The following IQCM variants were observed in gnomAD, a reference collection of about 807,000 sequenced individuals.
IQCM encodes IQ motif containing M.
Under a neutral mutation model 57.6 loss-of-function variants are expected in IQCM, and 45 were observed. The observed-to-expected ratio is 0.78, with a 90% confidence interval of 0.62 to 1.00. The LOEUF (loss-of-function observed/expected upper bound fraction) is 1.00, where lower values mean the gene tolerates loss of function less well. IQCM is among the 50% of genes least tolerant of loss of function. The pLI, the probability that IQCM is intolerant of heterozygous loss-of-function variation, is 0.00. For missense variants in IQCM, 468 were observed against 511.6 expected (o/e 0.91, Z 0.82); for synonymous variants, 148 against 158.9 (o/e 0.93, Z 0.51).
chr4:149,514,206 G>T (rs1324848641), intron 12 of IQCM, among the ~76,000 whole-genome samples: 1 of 152,122 alleles, frequency 6.6e-6, no homozygotes, highest in East Asian at 1.9e-4. Flanking sequence ...ACTTGCTAGG[G>T]TTAGAGTCAG....
chr4:149,432,980 G>T (rs146797041), intron 13 of IQCM, among the ~76,000 whole-genome samples: 2 of 152,012 alleles, frequency 1.3e-5, no homozygotes, highest in Non-Finnish European at 2.9e-5. Flanking sequence ...ACCAACTGTT[G>T]ATAGAGCTGT....
intron 2 of IQCM, among the ~76,000 whole-genome samples, chr4:149,775,675 A>G (rs1328077097): frequency 3.3e-5 from 5 of 151,950 alleles, no homozygotes; most frequent in Non-Finnish European, 7.4e-5. Context: ...TTGCTTGCCC[A>G]AACTGAAAAA....
At chr4:149,389,356 T>C (rs1057123711) in intron 13 of IQCM, among the ~76,000 whole-genome samples, 3 of 152,026 alleles carry the variant, frequency 2.0e-5, no homozygotes, top group African/African-American at 7.2e-5. Flanking sequence ...TGACTATCTT[T>C]ATGCAAATAT....
rs566420680 is a variant in IQCM at position 149,681,677 on chromosome 4, C to T, written c.565+441G>A. Among the ~76,000 whole-genome samples, 79 of 151,070 alleles carry T rather than the reference C, an allele frequency of 5.2e-4. 1 individual carries two copies. The highest frequency in any genetic ancestry group is 1.6e-3 in the African/African-American group (67 of 41,412). ...AGCTCATGAGGAACAAGTTAAAAAG[C>T]GGGAAAACTAAAAAATAGTTGCTTT... is the stretch of plus-strand genomic sequence containing the variant. On this transcript the variant is annotated intron_variant, in intron 7 of 13. Coordinates refer to ENST00000636793, the MANE Select transcript of IQCM (RefSeq NM_001363507.2).
At chr4:149,708,170 T>C (rs1285628253) in intron 5 of IQCM, among the ~76,000 whole-genome samples, 12 of 152,086 alleles carry the variant, frequency 7.9e-5, no homozygotes, top group Admixed American at 7.9e-4. Context: ...GCTTTACTAC[T>C]AAGGTTCTTC....
intron 6 of IQCM, among the ~76,000 whole-genome samples, chr4:149,686,093 C>A (rs1427303195): frequency 6.6e-6 from 1 of 151,476 alleles, no homozygotes; most frequent in Non-Finnish European, 1.5e-5. Context: ...TAAAATATGG[C>A]ATTTTTTTCC....
At chr4:149,767,077 G>A (rs575629015) in intron 2 of IQCM, among the ~76,000 whole-genome samples, 1 of 152,040 alleles carries the variant, frequency 6.6e-6, no homozygotes, top group South Asian at 2.1e-4. Flanking sequence ...AAATGAAATT[G>A]TGATGCAATT....
intron 9 of IQCM, among the ~76,000 whole-genome samples, chr4:149,585,252 G>T (rs975181821): frequency 6.6e-6 from 1 of 151,588 alleles, no homozygotes; most frequent in African/African-American, 2.4e-5. Flanking sequence ...CTGATGGAAG[G>T]TTATAATATA....
intron 12 of IQCM, among the ~76,000 whole-genome samples, chr4:149,481,061 A>G (rs1382457798): frequency 6.6e-6 from 1 of 152,166 alleles, no homozygotes. Context: ...TCTTCTTTGG[A>G]GAAATGGCTA....
At chr4:149,761,883 ATG>A (rs1220786968) in intron 2 of IQCM, among the ~76,000 whole-genome samples, 1 of 152,098 alleles carries the variant, frequency 6.6e-6, no homozygotes, top group Non-Finnish European at 1.5e-5. Flanking sequence ...TTTCTCAAAT[ATG>A]TATAGCATTA....
intron 13 of IQCM, among the ~76,000 whole-genome samples, chr4:149,384,963 C>G (rs1375255018): frequency 1.3e-5 from 2 of 151,878 alleles, no homozygotes; most frequent in Non-Finnish European, 2.9e-5. Context: ...TTAAAAAATG[C>G]TTCATTAAAA....
At position 149,422,029 on chromosome 4, in the gene IQCM, G is replaced by A. The variant is rs528410395; in HGVS notation, c.1390+11367C>T. ...ATTTAACTGACAGTCAAACAATACA[G>A]AGGACAACTATAAAAATTCCAAAGT... On this transcript the variant is annotated intron_variant, in intron 13 of 13. Transcript: ENST00000636793. Among the ~76,000 whole-genome samples, 7 of 151,898 alleles carry A rather than the reference G, an allele frequency of 4.6e-5. No homozygotes were observed. In the South Asian group the frequency reaches 1.5e-3, roughly 32 times the overall value.
At chr4:149,439,117 A>G (rs1735654182) in intron 12 of IQCM, among the ~76,000 whole-genome samples, 1 of 152,092 alleles carries the variant, frequency 6.6e-6, no homozygotes, top group Non-Finnish European at 1.5e-5. Flanking sequence ...TGTTAAATGT[A>G]TGAAAATTGT....
At chr4:149,472,394 T>C (rs879387089) in intron 12 of IQCM, among the ~76,000 whole-genome samples, 6 of 151,918 alleles carry the variant, frequency 3.9e-5, no homozygotes, top group Non-Finnish European at 8.8e-5. Flanking sequence ...GAATAAAATA[T>C]CTAGGAATCC....
chr4:149,364,248 G>T (rs1729685594), intron 13 of IQCM, among the ~76,000 whole-genome samples: 2 of 152,102 alleles, frequency 1.3e-5, no homozygotes, highest in African/African-American at 4.8e-5. Flanking sequence ...TTGTTTTGGG[G>T]AAAATCAGGA....
intron 2 of IQCM, among the ~76,000 whole-genome samples, chr4:149,757,652 C>G (rs1455736736): frequency 6.6e-6 from 1 of 151,922 alleles, no homozygotes; most frequent in Non-Finnish European, 1.5e-5. Flanking sequence ...TGAATTCATA[C>G]GTACCTAACA....
intron 13 of IQCM, among the ~76,000 whole-genome samples, chr4:149,374,583 T>A (rs890980888): frequency 6.6e-6 from 1 of 152,152 alleles, no homozygotes; most frequent in Non-Finnish European, 1.5e-5. Flanking sequence ...GAATGTTATT[T>A]TGATAGAAAA....
At chr4:149,433,216 G>T (rs1375842628) in intron 13 of IQCM, among the ~76,000 whole-genome samples, 180 bp downstream of exon 13, 1 of 151,920 alleles carries the variant, frequency 6.6e-6, no homozygotes, top group African/African-American at 2.4e-5. Context: ...TCTAGCGGAG[G>T]CACCAAAGCA....
chr4:149,415,529 C>T (rs1202261682), intron 13 of IQCM, among the ~76,000 whole-genome samples: 2 of 152,092 alleles, frequency 1.3e-5, no homozygotes, highest in Non-Finnish European at 2.9e-5. Context: ...TGCTAGAACA[C>T]CAAATGATTG....
Sources: allele counts gnomAD v4.1 joint callset (sites outside exome capture counted in the v4.1 genomes callset), GRCh38; gene constraint gnomAD v4.1.1; transcripts MANE v1.5; gene names NCBI Gene and HGNC (gene_info 2026-07-23, HGNC 2026-07-21).